Variants in SLC9A9 observed in about 807,000 individuals in gnomAD.
SLC9A9 encodes the protein solute carrier family 9 member A9.
A neutral mutation model predicts 77.8 loss-of-function variants in SLC9A9; 62 were observed. That is an observed-to-expected ratio of 0.80 (90% CI 0.65 to 0.98). The LOEUF (loss-of-function observed/expected upper bound fraction) is 0.98, where lower values mean the gene tolerates loss of function less well. Ranked by LOEUF, SLC9A9 falls within the 50% of genes least tolerant of loss-of-function variation. SLC9A9 has a pLI of 0.00. For synonymous variants in SLC9A9, 320 were observed against 283.5 expected, an observed-to-expected ratio of 1.13 and a Z score of -1.29; for missense variants, 775 against 774.9, an observed-to-expected ratio of 1.00 and a Z score of 0.00.
At chr3:143,627,619 CA>C in intron 6 of SLC9A9, 1 of 306,608 alleles carries the variant, frequency 3.3e-6, no homozygotes, top group Non-Finnish European at 6.3e-6. Flanking sequence ...TTGGAAGAGC[CA>C]AAGATCCCAA....
intron 12 of SLC9A9, among the ~76,000 whole-genome samples, chr3:143,437,879 C>T (rs187137785): frequency 6.6e-6 from 1 of 152,310 alleles, no homozygotes; most frequent in African/African-American, 2.4e-5. Context: ...GAGCCAGGTG[C>T]ACCAGGAAAC....
chr3:143,750,249 G>A (rs888849471), intron 4 of SLC9A9, among the ~76,000 whole-genome samples: 1 of 152,156 alleles, frequency 6.6e-6, no homozygotes, highest in Non-Finnish European at 1.5e-5. Flanking sequence ...TTTGAACTTT[G>A]TTCTAACTTT....
intron 9 of SLC9A9, chr3:143,516,995 T>C: frequency 1.5e-6 from 1 of 663,012 alleles, no homozygotes; most frequent in South Asian, 1.9e-5. Flanking sequence ...TAGTCCCTGA[T>C]TAATAGTGAG....
chr3:143,683,658 A>G (rs1038254386), intron 5 of SLC9A9, among the ~76,000 whole-genome samples: 1 of 152,144 alleles, frequency 6.6e-6, no homozygotes, highest in Non-Finnish European at 1.5e-5. Context: ...TTCATCTTAG[A>G]GATGGGTACC....
At chr3:143,455,369 C>T (rs577684580) in intron 12 of SLC9A9, among the ~76,000 whole-genome samples, 23 of 152,252 alleles carry the variant, frequency 1.5e-4, no homozygotes, top group Middle Eastern at 6.8e-3. Flanking sequence ...CAACTTCATT[C>T]TTTTTGAAAA....
chr3:143,731,461 G>T (rs114215790), intron 4 of SLC9A9, among the ~76,000 whole-genome samples: 4 of 152,160 alleles, frequency 2.6e-5, no homozygotes, highest in Non-Finnish European at 5.9e-5. Context: ...TTCATTTCCT[G>T]TGTCTCTCAA....
intron 1 of SLC9A9, among the ~76,000 whole-genome samples, chr3:143,842,533 C>T (rs1463757443): frequency 2.0e-5 from 3 of 152,170 alleles, no homozygotes; most frequent in Admixed American, 6.5e-5. Context: ...CCTTAAAAAT[C>T]AAGTTTTTTA....
At chr3:143,504,236 C>A in intron 9 of SLC9A9, 2 of 271,002 alleles carry the variant, frequency 7.4e-6, no homozygotes, top group South Asian at 9.1e-5. Flanking sequence ...GTGCCCAATA[C>A]AGCCAAATTC....
intron 12 of SLC9A9, among the ~76,000 whole-genome samples, chr3:143,459,169 G>C (rs945933816): frequency 1.3e-5 from 2 of 150,590 alleles, no homozygotes. Context: ...TTACTTCTTG[G>C]GGCATGGTTA....
intron 6 of SLC9A9, among the ~76,000 whole-genome samples, chr3:143,610,720 C>A (rs149168922): frequency 6.6e-6 from 1 of 152,166 alleles, no homozygotes; most frequent in Non-Finnish European, 1.5e-5. Flanking sequence ...CCACACAGGG[C>A]TCCCAGAATG....
At chr3:143,654,908 C>G (rs1455597501) in intron 5 of SLC9A9, among the ~76,000 whole-genome samples, 2 of 152,158 alleles carry the variant, frequency 1.3e-5, no homozygotes, top group African/African-American at 2.4e-5. Context: ...ATTGAATATC[C>G]AGTTTTGTTC....
chr3:143,733,341 A>C (rs1255621607), intron 4 of SLC9A9, among the ~76,000 whole-genome samples: 1 of 152,146 alleles, frequency 6.6e-6, no homozygotes, highest in Non-Finnish European at 1.5e-5. Context: ...CCAGGCTAGA[A>C]GGGGAGAAGA....
At position 143,614,336 on chromosome 3, in the gene SLC9A9, T is replaced by A. The variant is rs114548992; in HGVS notation, c.756-35613A>T. On this transcript the variant is annotated intron_variant, in intron 6 of 15. Transcript: ENST00000316549. ...CCTCTCACCCTTGCTATGCATCATT[T>A]GGCAAGCTGTATATTTAGTCCTTTG... Among the ~76,000 whole-genome samples the A allele has an allele frequency of 1.4e-3, 209 of 152,342 alleles. 1 individual carries two copies. The highest frequency in any genetic ancestry group is 4.7e-3 in the African/African-American group (197 of 41,578).
intron 6 of SLC9A9, among the ~76,000 whole-genome samples, chr3:143,580,083 A>G (rs2037427625): frequency 6.6e-6 from 1 of 152,094 alleles, no homozygotes; most frequent in Non-Finnish European, 1.5e-5. Context: ...TTTTTTGTAA[A>G]GTGTTGTGCT....
At chr3:143,730,269 C>T (rs771138534) in intron 4 of SLC9A9, among the ~76,000 whole-genome samples, 20 of 152,078 alleles carry the variant, frequency 1.3e-4, no homozygotes, top group Non-Finnish European at 2.8e-4. Context: ...ATTAGTCTTA[C>T]AACTCATCTC....
intron 4 of SLC9A9, among the ~76,000 whole-genome samples, chr3:143,747,531 C>G (rs911876874): frequency 1.3e-5 from 2 of 151,934 alleles, no homozygotes; most frequent in African/African-American, 4.8e-5. Context: ...TTATGATGTA[C>G]AGGCAGAGAG....
At position 143,649,737 on chromosome 3, in the gene SLC9A9, T is replaced by C. The variant is rs529495475; in HGVS notation, c.755+2518A>G. Among the ~76,000 whole-genome samples the C allele has an allele frequency of 2.6e-5, 4 of 152,302 alleles. No homozygotes were observed. The East Asian group carries it at 7.7e-4, about 29-fold the overall frequency. ...GAAGGTAAATAAAAGTATGTGGCTA[T>C]TTCAGAGGGGCTCTGGGGGCTTGGC... On this transcript the variant is annotated intron_variant, in intron 6 of 15. Coordinates refer to ENST00000316549, the MANE Select transcript of SLC9A9 (RefSeq NM_173653.4).
intron 13 of SLC9A9, among the ~76,000 whole-genome samples, chr3:143,368,667 C>G (rs986267008): frequency 6.6e-6 from 1 of 152,250 alleles, no homozygotes; most frequent in Admixed American, 6.5e-5. Flanking sequence ...CTCCAAGGAA[C>G]TTTTTAAGGT....
At chr3:143,648,128 CT>C (rs1308994508) in intron 6 of SLC9A9, among the ~76,000 whole-genome samples, 1 of 149,664 alleles carries the variant, frequency 6.7e-6, no homozygotes, top group Non-Finnish European at 1.5e-5. Context: ...AACCATATTA[CT>C]TTATTTATTA....
Sources: allele counts gnomAD v4.1 joint callset (sites outside exome capture counted in the v4.1 genomes callset), GRCh38; gene constraint gnomAD v4.1.1; transcripts MANE v1.5; gene names NCBI Gene and HGNC (gene_info 2026-07-23, HGNC 2026-07-21).